Variants in SIRT1 observed in about 807,000 individuals in gnomAD.
The protein encoded by SIRT1 is NAD-dependent protein deacetylase sirtuin-1.
In SIRT1, 24 loss-of-function variants were observed where a neutral mutation model predicts 67.9. That is an observed-to-expected ratio of 0.35 (90% CI 0.26 to 0.50). The LOEUF (loss-of-function observed/expected upper bound fraction) is 0.50. Among genes scored for constraint, SIRT1 ranks in the 20% least tolerant of loss-of-function variants. The pLI is 0.98. For synonymous variants in SIRT1, 378 were observed against 350.7 expected (o/e 1.08, Z -0.87); for missense variants, 873 against 937.2 (o/e 0.93, Z 0.89).
At chr10:67,885,194 C>T (rs761934881) in intron 1 of SIRT1, 43 bp downstream of exon 1, 9 of 1,303,162 alleles carry the variant, frequency 6.9e-6, no homozygotes, top group Non-Finnish European at 8.8e-6. Flanking sequence ...TCTCCTCCTC[C>T]CTCTCCCCGG....
intron 4 of SIRT1, among the ~76,000 whole-genome samples, chr10:67,896,948 C>T (rs866668723): frequency 3.2e-4 from 48 of 152,058 alleles, no homozygotes; most frequent in Admixed American, 2.4e-3. Context: ...ATCACTTAAG[C>T]CCAGGTGACT....
At chr10:67,887,052 A>G (rs934755269) in intron 1 of SIRT1, among the ~76,000 whole-genome samples, 6 of 152,180 alleles carry the variant, frequency 3.9e-5, no homozygotes, top group Admixed American at 3.3e-4. Context: ...TTGTATTATT[A>G]GTAGAGACGA....
At chr10:67,906,478 A>G (rs998647578) in intron 4 of SIRT1, among the ~76,000 whole-genome samples, 3 of 152,152 alleles carry the variant, frequency 2.0e-5, no homozygotes, top group African/African-American at 7.2e-5. Context: ...TTTGCAGCCA[A>G]CAAAAATTAG....
chr10:67,884,811 G>C lies in SIRT1; in HGVS notation c.90G>C (p.Gly30=), dbSNP rs1044396625. The C allele has an allele frequency of 6.5e-6, 8 of 1,225,252 alleles. No homozygotes were observed. In the African/African-American group the frequency reaches 1.3e-4, roughly 19 times the overall value. The allele number at this position is 1,225,252 out of a possible 1,614,324, so 75.9% of individuals were successfully genotyped here. Residue 30 remains glycine (G), a synonymous_variant, in exon 1 of 9, where the codon GGG becomes GGC. Coordinates refer to ENST00000212015, the MANE Select transcript of SIRT1 (RefSeq NM_012238.5). ...GGGAGGCCGCGTCGTCCCCCGCCGG[G>C]GAGCCGCTCCGCAAGAGGCCGCGGA... ...ADREAASSPA[G]EPLRKRPRRD... is the part of the protein sequence containing the mutation.
rs2029978607 is a variant in SIRT1 at position 67,918,058 on chromosome 10, C to T, written c.*1465C>T. Reference sequence around the variant, plus strand: ...AGAGAAAAAAATCGTATTGAATGGCCATTTCCCTACTTATAAGATGTCTCA... The same window carrying T: ...AGAGAAAAAAATCGTATTGAATGGCTATTTCCCTACTTATAAGATGTCTCA... On this transcript the variant is annotated 3_prime_UTR_variant, in exon 9 of 9. Transcript: ENST00000212015. The T allele has an allele frequency of 6.6e-6, 1 of 152,594 alleles. No homozygotes were observed. The highest frequency in any genetic ancestry group is 1.5e-5 in the Non-Finnish European group (1 of 68,030). 9.5% of individuals were successfully genotyped at this position (152,594 alleles called of 1,614,324 possible).
chr10:67,909,568 G>A lies in SIRT1; in HGVS notation c.1357+126G>A, dbSNP rs1167652579. 11 of 807,106 alleles carry A rather than the reference G, an allele frequency of 1.4e-5. No homozygotes were observed. In the East Asian group the frequency reaches 3.0e-4, roughly 22 times the overall value. 50.0% of individuals were successfully genotyped at this position (807,106 alleles called of 1,614,324 possible). ...AAAGAGTGGTGAAGAGCTAATTTTAGAAATTGTTTGTTTGTTTGTTTATTG... is the reference window on the plus strand; with the variant it reads ...AAAGAGTGGTGAAGAGCTAATTTTAAAAATTGTTTGTTTGTTTGTTTATTG... On this transcript the variant is annotated intron_variant, in intron 7 of 8. Transcript: ENST00000212015.
chr10:67,889,436 A>G (rs752323506), intron 3 of SIRT1, among the ~76,000 whole-genome samples: 3 of 152,198 alleles, frequency 2.0e-5, no homozygotes, highest in African/African-American at 7.2e-5. Flanking sequence ...TTGTTAAGGG[A>G]TGTCAGTCTG....
intron 1 of SIRT1, among the ~76,000 whole-genome samples, chr10:67,886,188 G>T (rs1437835553): frequency 1.3e-5 from 2 of 151,818 alleles, no homozygotes; most frequent in Non-Finnish European, 2.9e-5. Flanking sequence ...TGATCCGTCC[G>T]CCTCGGCCGC....
At chr10:67,886,383 A>G (rs1435235250) in intron 1 of SIRT1, among the ~76,000 whole-genome samples, 1 of 151,906 alleles carries the variant, frequency 6.6e-6, no homozygotes, top group African/African-American at 2.4e-5. Flanking sequence ...TCTTGAGCCT[A>G]GGAGTTTCAG....
intron 4 of SIRT1, among the ~76,000 whole-genome samples, chr10:67,899,501 A>T (rs979753582): frequency 6.6e-6 from 1 of 151,626 alleles, no homozygotes; most frequent in African/African-American, 2.4e-5. Context: ...ATTCAGGGGG[A>T]AAAAAAATTT....
intron 4 of SIRT1, among the ~76,000 whole-genome samples, chr10:67,896,797 C>T (rs923883181): frequency 6.8e-6 from 1 of 147,750 alleles, no homozygotes; most frequent in Admixed American, 6.8e-5. Flanking sequence ...ATTCGCTGGT[C>T]TCCACCTACG....
intron 5 of SIRT1, among the ~76,000 whole-genome samples, chr10:67,907,593 G>A (rs1169898812): frequency 6.6e-6 from 1 of 152,026 alleles, no homozygotes; most frequent in East Asian, 1.9e-4. Flanking sequence ...AAAAGAACTG[G>A]ATAGTTGAGA....
At chr10:67,889,512 G>A (rs1316094317) in intron 3 of SIRT1, among the ~76,000 whole-genome samples, 1 of 152,172 alleles carries the variant, frequency 6.6e-6, no homozygotes, top group African/African-American at 2.4e-5. Flanking sequence ...ATTCACAAGT[G>A]AAAAGCTTAG....
At chr10:67,909,228 A>C in intron 6 of SIRT1, 28 bp from the exon 7 acceptor site, 2 of 1,542,094 alleles carry the variant, frequency 1.3e-6, no homozygotes, top group Non-Finnish European at 8.7e-7. Flanking sequence ...TTGCTTCTCT[A>C]CCTCAACCAA....
At chr10:67,915,780 C>G (rs1004107275) in intron 8 of SIRT1, among the ~76,000 whole-genome samples, 6 of 152,194 alleles carry the variant, frequency 3.9e-5, no homozygotes, top group Non-Finnish European at 7.3e-5. Context: ...CTGGATACTT[C>G]ATTTTCATCA....
intron 2 of SIRT1, among the ~76,000 whole-genome samples, chr10:67,888,558 A>T (rs1312577188): frequency 6.6e-6 from 1 of 152,206 alleles, no homozygotes; most frequent in Admixed American, 6.5e-5. Context: ...TCTATGTCGT[A>T]GAACCCTTTT....
At chr10:67,889,975 C>CTT (rs35424302) in intron 3 of SIRT1, among the ~76,000 whole-genome samples, 9 of 147,428 alleles carry the variant, frequency 6.1e-5, no homozygotes, top group South Asian at 2.1e-4. Context: ...TATTATACAC[C>CTT]TTTTTTTTTT....
intron 4 of SIRT1, among the ~76,000 whole-genome samples, chr10:67,893,589 C>G (rs1045741064): frequency 3.4e-5 from 5 of 147,156 alleles, no homozygotes; most frequent in African/African-American, 1.3e-4. Context: ...GTTTCCCAGG[C>G]TGGAGTGTAG....
intron 4 of SIRT1, among the ~76,000 whole-genome samples, chr10:67,900,432 G>A (rs1049957853): frequency 5.3e-5 from 8 of 151,880 alleles, no homozygotes; most frequent in Admixed American, 4.6e-4. Flanking sequence ...GGTGTGAGCC[G>A]CCGCGCTTGG....
Sources: gnomAD v4.1 joint callset for allele counts (sites outside exome capture counted in the v4.1 genomes callset) on GRCh38, gnomAD v4.1.1 for gene constraint, MANE v1.5 for transcripts, NCBI Gene and HGNC (gene_info 2026-07-23, HGNC 2026-07-21) for gene names.